Variants in RALGPS1 observed in about 807,000 individuals in gnomAD.
RALGPS1 encodes the protein Ral GEF with PH domain and SH3 binding motif 1, also known as ras-specific guanine nucleotide-releasing factor RalGPS1.
A neutral mutation model predicts 78.8 loss-of-function variants in RALGPS1; 19 were observed. The observed-to-expected ratio is 0.24, with a 90% CI of 0.17 to 0.35. The LOEUF (loss-of-function observed/expected upper bound fraction) is 0.35. Ranked by LOEUF, RALGPS1 falls within the 10% of genes least tolerant of loss-of-function variation. The pLI is 1.00. For synonymous variants in RALGPS1, 228 were observed against 256.3 expected (o/e 0.89, Z 1.06); for missense variants, 454 against 688.3 (o/e 0.66, Z 3.81).
chr9:127,183,935 C>CA lies in RALGPS1; in HGVS notation c.910+9155dup. The stretch of plus-strand genomic sequence containing the variant: ...GGCAAGACTCAAACCCACCTCTGGC[C>CA]AACACCCTGCCTGGATGTGGCCCAG... On this transcript the variant is annotated intron_variant, in intron 11 of 18. Transcript: ENST00000259351. This position sits in a 1 kb window ranked among gnomAD's most constrained non-coding sequence, Gnocchi z 4.0. 1 of 1,550,516 alleles carries CA rather than the reference C, an allele frequency of 6.4e-7. No individual in the cohort carries two copies. The highest frequency in any genetic ancestry group is 2.4e-5 in the East Asian group (1 of 40,870).
intron 8 of RALGPS1, among the ~76,000 whole-genome samples, chr9:127,102,309 G>A (rs1389613793): frequency 6.6e-6 from 1 of 150,712 alleles, no homozygotes. Context: ...GCATTTGTAT[G>A]AGGCTAACTT....
intron 8 of RALGPS1, among the ~76,000 whole-genome samples, chr9:127,143,229 A>C (rs1167193709): frequency 6.6e-6 from 1 of 152,158 alleles, no homozygotes; most frequent in African/African-American, 2.4e-5. Context: ...TGGGAGTGCA[A>C]CTGCTGAGTC....
chr9:126,989,592 G>T (rs1209665339), intron 4 of RALGPS1, among the ~76,000 whole-genome samples: 1 of 152,198 alleles, frequency 6.6e-6, no homozygotes, highest in African/African-American at 2.4e-5. Context: ...GCCAGGGGTG[G>T]TCTGGGTGGG....
intron 11 of RALGPS1, among the ~76,000 whole-genome samples, chr9:127,193,136 G>A (rs1053364417): frequency 1.3e-5 from 2 of 152,134 alleles, no homozygotes; most frequent in Non-Finnish European, 2.9e-5. Context: ...GGGAAAGTGA[G>A]GCAGGGAATT....
chr9:126,974,096 A>G (rs2040378080), intron 3 of RALGPS1, among the ~76,000 whole-genome samples: 1 of 151,850 alleles, frequency 6.6e-6, no homozygotes, highest in Non-Finnish European at 1.5e-5. Context: ...GTGGTCTCGA[A>G]CTCCTGACCT....
chr9:126,922,854 TAAA>T (rs1307390123), intron 1 of RALGPS1, among the ~76,000 whole-genome samples: 2 of 152,210 alleles, frequency 1.3e-5, no homozygotes, highest in African/African-American at 4.8e-5. Flanking sequence ...TCCCTTTGCT[TAAA>T]AGCCTCCAGT....
At chr9:126,944,211 C>A in intron 1 of RALGPS1, among the ~76,000 whole-genome samples, 1 of 152,210 alleles carries the variant, frequency 6.6e-6, no homozygotes, top group Non-Finnish European at 1.5e-5. Context: ...AGCAGAGGCC[C>A]TAGTTCACCA....
At chr9:127,158,389 T>C (rs2058822909) in intron 8 of RALGPS1, among the ~76,000 whole-genome samples, 1 of 152,166 alleles carries the variant, frequency 6.6e-6, no homozygotes, top group Non-Finnish European at 1.5e-5. Context: ...TGAGAAGATA[T>C]ATTTTCCTAC....
intron 11 of RALGPS1, among the ~76,000 whole-genome samples, chr9:127,194,818 A>G (rs1432027600): frequency 6.6e-6 from 1 of 152,226 alleles, no homozygotes; most frequent in African/African-American, 2.4e-5. Context: ...ATGTCCATCC[A>G]TGGTGCCCTC....
chr9:127,178,015 C>T, intron 11 of RALGPS1: 2 of 1,523,944 alleles, frequency 1.3e-6, no homozygotes, highest in South Asian at 1.2e-5. Flanking sequence ...ACCAATAAAG[C>T]ATGGCGAGGC....
chr9:126,916,639 G>T (rs1360589585), intron 1 of RALGPS1, among the ~76,000 whole-genome samples: 2 of 152,168 alleles, frequency 1.3e-5, no homozygotes, highest in Non-Finnish European at 2.9e-5. Flanking sequence ...AAAGTCAGCC[G>T]GGCATGGTGG....
At chr9:126,944,183 A>G (rs1417701218) in intron 1 of RALGPS1, among the ~76,000 whole-genome samples, 1 of 152,226 alleles carries the variant, frequency 6.6e-6, no homozygotes, top group Non-Finnish European at 1.5e-5. Context: ...CGCAGGAGTC[A>G]GAGAGGGGCT....
intron 8 of RALGPS1, among the ~76,000 whole-genome samples, chr9:127,164,252 A>G (rs1048967972): frequency 6.6e-6 from 1 of 152,094 alleles, no homozygotes; most frequent in Non-Finnish European, 1.5e-5. Context: ...TATTATTATT[A>G]TTAGGCAGAG....
chr9:127,208,634 A>G (rs2062064824), intron 14 of RALGPS1, among the ~76,000 whole-genome samples: 1 of 152,156 alleles, frequency 6.6e-6, no homozygotes, highest in African/African-American at 2.4e-5. Context: ...GTGAGCACTC[A>G]CTACCTAGTG....
intron 4 of RALGPS1, among the ~76,000 whole-genome samples, chr9:127,030,393 G>A (rs767415163): frequency 2.6e-5 from 4 of 152,166 alleles, no homozygotes; most frequent in Non-Finnish European, 5.9e-5. Context: ...CCCGAAAGGT[G>A]GGGAGACAAC....
Position 127,218,897 on chromosome 9 carries a change from C to A in RALGPS1, c.*128C>A. ...GAAACTCACAGCTGGACTCAGGGGA[C>A]ACGGCCTGTGGCCTCACCATCCCAG... On this transcript the variant is annotated 3_prime_UTR_variant, in exon 19 of 19. Transcript: ENST00000259351. The surrounding 1 kb of genome is among the most constrained non-coding windows in gnomAD (Gnocchi z 4.4). 9.1e-7 allele frequency: 1 copy of A among 1,104,434 alleles called. No individual in the cohort carries two copies. The highest frequency in any genetic ancestry group is 1.4e-6 in the Non-Finnish European group (1 of 724,224). 68.4% of individuals were successfully genotyped at this position (1,104,434 alleles called of 1,614,324 possible). A position where few individuals can be genotyped will look rare whatever the true frequency, so the allele number is the denominator to read the frequency against.
intron 18 of RALGPS1, 86 bp downstream of exon 18, chr9:127,214,928 C>T (rs1329180968): frequency 6.3e-7 from 1 of 1,584,194 alleles, no homozygotes; most frequent in Non-Finnish European, 8.5e-7. Flanking sequence ...GGGTTCCCTT[C>T]TTCTTTCAGA....
intron 3 of RALGPS1, among the ~76,000 whole-genome samples, chr9:126,973,226 G>A (rs1320292746): frequency 1.3e-5 from 2 of 151,960 alleles, no homozygotes; most frequent in Non-Finnish European, 2.9e-5. Flanking sequence ...AAGTTAGCTG[G>A]GCATGGTGGC....
intron 8 of RALGPS1, among the ~76,000 whole-genome samples, chr9:127,100,402 C>T (rs190966620): frequency 1.5e-3 from 235 of 152,306 alleles, no homozygotes; most frequent in African/African-American, 5.2e-3. Context: ...CATTGCAGCA[C>T]TACTTTCCAG....
Sources: allele counts gnomAD v4.1 joint callset (sites outside exome capture counted in the v4.1 genomes callset), GRCh38; gene constraint gnomAD v4.1.1; non-coding constraint Gnocchi (gnomAD v3.1); transcripts MANE v1.5; gene names NCBI Gene and HGNC (gene_info 2026-07-23, HGNC 2026-07-21).